The following FRMD6 variants were observed in gnomAD, a reference collection of about 807,000 sequenced individuals.
The protein encoded by FRMD6 is FERM domain containing 6.
A neutral mutation model predicts 73.2 loss-of-function variants in FRMD6; 37 were observed. That is an observed-to-expected ratio of 0.51 (90% CI 0.39 to 0.66). The LOEUF is 0.66. Among genes scored for constraint, FRMD6 ranks in the 30% least tolerant of loss-of-function variants. The probability of loss-of-function intolerance (pLI) is 0.00; values close to 1 mark genes in which losing one functional copy is unlikely to be tolerated. For missense variants in FRMD6, 714 were observed against 780.5 expected (o/e 0.91, Z 1.02); for synonymous variants, 273 against 282.2 (o/e 0.97, Z 0.33).
intron 2 of FRMD6, among the ~76,000 whole-genome samples, chr14:51,571,922 A>C (rs1888155390): frequency 6.6e-6 from 1 of 152,250 alleles, no homozygotes. Context: ...CAGGGGAGAT[A>C]TCAAGTGTCT....
At chr14:51,527,379 T>C (rs1463048788) in intron 1 of FRMD6, among the ~76,000 whole-genome samples, 3 of 152,230 alleles carry the variant, frequency 2.0e-5, no homozygotes, top group African/African-American at 7.2e-5. Flanking sequence ...AGGACGGGAA[T>C]GGCTAAACAG....
intron 3 of FRMD6, among the ~76,000 whole-genome samples, 176 bp downstream of exon 3, chr14:51,698,408 A>G (rs6572785): frequency 0.58 from 87,864 of 151,890 alleles, 25,587 homozygotes; most frequent in East Asian, 0.66. Context: ...CTCAATTTCT[A>G]TGTATTTTTT....
intron 2 of FRMD6, among the ~76,000 whole-genome samples, chr14:51,611,923 GA>G (rs199692376): frequency 7.5e-4 from 110 of 146,606 alleles, no homozygotes; most frequent in African/African-American, 9.8e-4. Context: ...GATGTAAAAT[GA>G]AAAAAAAACA....
chr14:51,674,632 G>GT (rs1894254473), intron 1 of FRMD6, among the ~76,000 whole-genome samples: 1 of 152,088 alleles, frequency 6.6e-6, no homozygotes. Flanking sequence ...AACCTTCAAG[G>GT]TTGAGGTATG....
chr14:51,585,962 A>ATAT (rs1889029208), intron 2 of FRMD6, among the ~76,000 whole-genome samples: 1 of 15,882 alleles, frequency 6.3e-5, no homozygotes, highest in African/African-American at 1.1e-4. Context: ...TATATATATA[A>ATAT]CATTTTCTTT....
intron 1 of FRMD6, chr14:51,491,656 T>A (rs1883009413): frequency 6.6e-6 from 1 of 152,200 alleles, no homozygotes; most frequent in Non-Finnish European, 1.5e-5. Context: ...CAAAAAAATT[T>A]AAAAAATGAA....
rs770892493 is a variant in FRMD6, at chr14:51,720,137, C to T, written c.1107C>T (p.Ser369=). ...AGCTGGAAAAACGGTCGCGGGCCAG[C>T]GGGAGCAGTGCGGGCAGCATGAAAC... ...MDQLEKRSRA[S]GSSAGSMKHK... The change falls in exon 11 of 14, where the codon AGC becomes AGT. Residue 369 remains serine, a synonymous_variant. Transcript: ENST00000344768. The T allele has an allele frequency of 3.9e-5, 63 of 1,613,716 alleles. No individual in the cohort carries two copies. The highest frequency in any genetic ancestry group is 4.9e-5 in the Non-Finnish European group (58 of 1,180,026).
intron 1 of FRMD6, among the ~76,000 whole-genome samples, chr14:51,500,400 G>A (rs1010661502): frequency 5.9e-5 from 9 of 152,050 alleles, no homozygotes; most frequent in South Asian, 2.1e-4. Context: ...GGTGGCACGC[G>A]TCTGTAATCC....
intron 1 of FRMD6, chr14:51,491,633 A>C (rs906003560): frequency 6.7e-6 from 1 of 149,544 alleles, no homozygotes; most frequent in Admixed American, 6.6e-5. Flanking sequence ...AGAAACAAAC[A>C]AACAAAACAA....
chr14:51,687,376 A>G (rs912086850), intron 1 of FRMD6, among the ~76,000 whole-genome samples: 4 of 152,206 alleles, frequency 2.6e-5, no homozygotes, highest in Admixed American at 2.0e-4. Flanking sequence ...ATCAAAGCTT[A>G]TAATTTCTTC....
intron 1 of FRMD6, among the ~76,000 whole-genome samples, chr14:51,521,240 A>G (rs1190837999): frequency 2.0e-5 from 3 of 152,196 alleles, no homozygotes; most frequent in Non-Finnish European, 4.4e-5. Flanking sequence ...TATTTTATTC[A>G]ATGTAAGTTG....
chr14:51,507,134 ACACT>A (rs2140238606), intron 1 of FRMD6, among the ~76,000 whole-genome samples: 1 of 141,976 alleles, frequency 7.0e-6, no homozygotes. Context: ...ACACACACAC[ACACT>A]GCAATAAGGC....
the FRMD6 span, among the ~76,000 whole-genome samples, chr14:51,469,152 G>C: frequency 6.6e-6 from 1 of 151,888 alleles, no homozygotes; most frequent in Admixed American, 6.5e-5. Flanking sequence ...GTGTTAGCCA[G>C]GATAGTCTCG....
At chr14:51,711,255 A>C (rs538119839) in intron 7 of FRMD6, among the ~76,000 whole-genome samples, 1 of 152,218 alleles carries the variant, frequency 6.6e-6, no homozygotes, top group African/African-American at 2.4e-5. Context: ...ATATTGTCAG[A>C]TACAAAAGTG....
chr14:51,445,474 A>ATTTTTT, the FRMD6 span, among the ~76,000 whole-genome samples: 1 of 149,392 alleles, frequency 6.7e-6, no homozygotes, highest in African/African-American at 2.5e-5. Flanking sequence ...CAGAAGTGCA[A>ATTTTTT]TTTTTTTTTT....
chr14:51,427,666 C>T, the FRMD6 span, among the ~76,000 whole-genome samples: 1 of 152,196 alleles, frequency 6.6e-6, no homozygotes, highest in Non-Finnish European at 1.5e-5. Context: ...ACATGCTGTT[C>T]CCGTGTTTTC....
rs761818435 is a variant in FRMD6 at position 51,581,411 on chromosome 14, G to GA, written c.-147+11005dup. On this transcript the variant is annotated intron_variant, in intron 2 of 14. Coordinates refer to the FRMD6 transcript ENST00000356218. ...TCTCAAGTTTCTAACAATCTAAAGG[G>GA]AAAATTAAACAAAGTGAGTCATCTC... is the stretch of plus-strand genomic sequence containing the variant. Among the ~76,000 whole-genome samples, 183 of 152,264 alleles carry GA rather than the reference G, an allele frequency of 1.2e-3. 1 individual carries two copies. The highest frequency in any genetic ancestry group is 2.0e-3 in the Non-Finnish European group (138 of 68,030).
intron 2 of FRMD6, among the ~76,000 whole-genome samples, chr14:51,580,379 T>G (rs1407796808): frequency 6.6e-6 from 1 of 152,210 alleles, no homozygotes; most frequent in Non-Finnish European, 1.5e-5. Flanking sequence ...CTATGAGCAC[T>G]CCCTATGTCA....
intron 2 of FRMD6, among the ~76,000 whole-genome samples, chr14:51,696,808 C>T (rs941429681): frequency 1.3e-5 from 2 of 151,370 alleles, no homozygotes; most frequent in Non-Finnish European, 2.9e-5. Context: ...TAGACCAACT[C>T]GTTGTACAGT....
Sources: gnomAD v4.1 joint callset for allele counts (sites outside exome capture counted in the v4.1 genomes callset) on GRCh38, gnomAD v4.1.1 for gene constraint, MANE v1.5 for transcripts, NCBI Gene and HGNC (gene_info 2026-07-23, HGNC 2026-07-21) for gene names.